The following RASEF variants were observed in gnomAD, a reference collection of about 807,000 sequenced individuals.
RASEF encodes the protein RAS and EF-hand domain containing.
RASEF carries 68 observed loss-of-function variants against 90.1 expected under a neutral mutation model. The ratio of observed to expected loss-of-function variants is 0.75; its 90% CI spans 0.62 to 0.92. RASEF has a LOEUF of 0.92. Among genes scored for constraint, RASEF ranks in the 40% least tolerant of loss-of-function variants. The pLI is 0.00. For synonymous variants in RASEF, 331 were observed against 345.2 expected (o/e 0.96, Z 0.46); for missense variants, 949 against 937.2 (o/e 1.01, Z -0.16).
chr9:83,163,261 C>T, the RASEF span, among the ~76,000 whole-genome samples: 3 of 152,192 alleles, frequency 2.0e-5, no homozygotes. Context: ...AACACACATA[C>T]ACCTAATCAC....
chr9:83,137,414 G>C, the RASEF span, among the ~76,000 whole-genome samples: 1 of 152,166 alleles, frequency 6.6e-6, no homozygotes. Flanking sequence ...TTGGAGAAGA[G>C]AGTTAGAAGT....
At chr9:82,999,525 G>A (rs988004068) in intron 12 of RASEF, among the ~76,000 whole-genome samples, 2 of 151,986 alleles carry the variant, frequency 1.3e-5, no homozygotes, top group African/African-American at 4.8e-5. Context: ...TGGGACTCAG[G>A]AAATACATGC....
At chr9:82,998,264 T>G in intron 13 of RASEF, 101 bp downstream of exon 13, 1 of 662,838 alleles carries the variant, frequency 1.5e-6, no homozygotes, top group Non-Finnish European at 2.7e-6. Flanking sequence ...TTATAAAGTA[T>G]GTTATAATTA....
In RASEF at chr9:83,048,823, A is replaced by G. The variant is rs544717848; in HGVS notation, c.431+13614T>C. 2.6e-3 allele frequency: 2,362 copies of G among 922,278 alleles called. 8 individuals carry two copies. Among genetic ancestry groups the G allele is most frequent in the Middle Eastern group, 0.012 (21 of 1,784 alleles). The allele number at this position is 922,278 out of a possible 1,614,324, so 57.1% of individuals were successfully genotyped here. On this transcript the variant is annotated intron_variant, in intron 1 of 16. Transcript: ENST00000376447. ...TATTTCTCATACTTGATTAACATGT[A>G]GACCTTATTAAAGACTCCTGTGAGG... is the stretch of plus-strand genomic sequence containing the variant.
At position 83,022,353 on chromosome 9, in the gene RASEF, G is replaced by T. The variant is rs756722912; in HGVS notation, c.652C>A (p.His218Asn). ...EMDQRIQAAE[H>N]KTRKDEKRKA... ...AAACTCACGTCTTTCCGTGTCTTAT[G>T]TTCTGCAGCCTGAATCCTCTGATCC... Residue 218 changes from histidine to asparagine, a missense_variant, in exon 3 of 17, where the codon CAT (histidine) becomes AAT (asparagine). His to Asn is a moderately conservative substitution (Grantham distance 68). Around this residue, in one of 3 missense-constraint regions of RASEF, gnomAD observed 656 missense variants for 592.2 expected, o/e 1.11. Transcript: ENST00000376447. 1 of 1,613,810 alleles carries T rather than the reference G, an allele frequency of 6.2e-7. No homozygotes were observed. Among genetic ancestry groups the T allele is most frequent in the South Asian group, 1.1e-5 (1 of 91,072 alleles).
intron 1 of RASEF, chr9:83,048,176 T>C: frequency 2.0e-6 from 2 of 985,382 alleles, no homozygotes; most frequent in Non-Finnish European, 2.4e-6. Context: ...CAGCCCACAG[T>C]GTAGTAAGAG....
At chr9:83,002,950 T>C (rs1393820938) in intron 9 of RASEF, among the ~76,000 whole-genome samples, 2 of 152,172 alleles carry the variant, frequency 1.3e-5, no homozygotes, top group African/African-American at 4.8e-5. Flanking sequence ...TCAATTGAAC[T>C]GCATATCCTT....
Position 83,000,162 on chromosome 9 carries a change from G to A in RASEF, c.1723+7C>T, listed in dbSNP as rs747178297. The A allele has an allele frequency of 6.8e-6, 11 of 1,611,380 alleles. No individual in the cohort carries two copies. The highest frequency in any genetic ancestry group is 8.5e-6 in the Non-Finnish European group (10 of 1,179,154). ...TTTCCCATTATCAACCGAAATACGAGCCATACCCAGGGTGGCGCTTATATT... is the reference window on the plus strand; with the variant it reads ...TTTCCCATTATCAACCGAAATACGAACCATACCCAGGGTGGCGCTTATATT... On this transcript the variant is annotated splice_region_variant and intron_variant, in intron 12 of 16. Coordinates refer to ENST00000376447, the MANE Select transcript of RASEF (RefSeq NM_152573.4).
Position 83,005,408 on chromosome 9 carries a change from T to A in RASEF, c.1113+8A>T. The A allele has an allele frequency of 6.3e-7, 1 of 1,589,804 alleles. No individual in the cohort carries two copies. The highest frequency in any genetic ancestry group is 8.6e-7 in the Non-Finnish European group (1 of 1,157,932). ...GAATGAAATACATGGTAAAACTATG[T>A]GGCATACCAAAGATCTGTTGAACTT... On this transcript the variant is annotated splice_region_variant and intron_variant, in intron 8 of 16. Transcript: ENST00000376447.
chr9:83,121,875 C>T, the RASEF span, among the ~76,000 whole-genome samples: 2 of 152,172 alleles, frequency 1.3e-5, no homozygotes, highest in African/African-American at 4.8e-5. Context: ...CAAGTTATCC[C>T]ACTTACCATA....
chr9:83,054,529 CCTT>C (rs1380652415), intron 1 of RASEF: 2 of 144,782 alleles, frequency 1.4e-5, no homozygotes, highest in Non-Finnish European at 3.0e-5. Context: ...TCGTCTGAAG[CCTT>C]CTTCTCTCAG....
the RASEF span, among the ~76,000 whole-genome samples, chr9:83,181,141 A>G: frequency 2.7e-5 from 4 of 149,546 alleles, no homozygotes; most frequent in African/African-American, 9.9e-5. Context: ...GGCAAACAAG[A>G]GAACATCAGG....
the RASEF span, among the ~76,000 whole-genome samples, chr9:83,161,439 G>T: frequency 1.3e-5 from 2 of 152,010 alleles, no homozygotes; most frequent in African/African-American, 4.8e-5. Context: ...CCCTTTCTTT[G>T]GGCATATTTC....
At chr9:83,151,406 G>C in the RASEF span, among the ~76,000 whole-genome samples, 1 of 152,122 alleles carries the variant, frequency 6.6e-6, no homozygotes. Context: ...GAAACGGGCT[G>C]TGTTAGCCCC....
chr9:83,161,307 T>A, the RASEF span, among the ~76,000 whole-genome samples: 1 of 152,182 alleles, frequency 6.6e-6, no homozygotes, highest in Non-Finnish European at 1.5e-5. Context: ...CCTGAGACCA[T>A]GGGAACCCAC....
chr9:83,013,736 C>T (rs1456018904), intron 4 of RASEF, among the ~76,000 whole-genome samples: 4 of 152,162 alleles, frequency 2.6e-5, no homozygotes, highest in Non-Finnish European at 5.9e-5. Flanking sequence ...CAGTCCTCAT[C>T]TCTAAAAGTA....
intron 3 of RASEF, among the ~76,000 whole-genome samples, chr9:83,017,445 A>G (rs1198500367): frequency 6.6e-6 from 1 of 151,850 alleles, no homozygotes; most frequent in Non-Finnish European, 1.5e-5. Context: ...GCCTGCAGTG[A>G]GCCGAGATCG....
At chr9:83,175,517 GT>G in the RASEF span, among the ~76,000 whole-genome samples, 1 of 151,602 alleles carries the variant, frequency 6.6e-6, no homozygotes. Context: ...CTAGTATTTT[GT>G]TGCAGATATT....
At chr9:83,053,677 T>C (rs1011344281) in intron 1 of RASEF, among the ~76,000 whole-genome samples, 2 of 145,826 alleles carry the variant, frequency 1.4e-5, no homozygotes, top group Non-Finnish European at 3.0e-5. Context: ...TTGCAGCGGC[T>C]GGTACCGGTT....
Sources: allele counts gnomAD v4.1 joint callset (sites outside exome capture counted in the v4.1 genomes callset), GRCh38; gene constraint gnomAD v4.1.1; regional missense constraint gnomAD v4.1.1; transcripts MANE v1.5; gene names NCBI Gene and HGNC (gene_info 2026-07-23, HGNC 2026-07-21).